The following CSMD3 variants were observed in gnomAD, a reference collection of about 807,000 sequenced individuals.
CSMD3 encodes the protein CUB and Sushi multiple domains 3.
Under a neutral mutation model 435.2 loss-of-function variants are expected in CSMD3, and 177 were observed. That is an observed-to-expected ratio of 0.41 (90% confidence interval 0.36 to 0.46). The LOEUF is 0.46. Among genes scored for constraint, CSMD3 ranks in the 20% least tolerant of loss-of-function variants. The probability of loss-of-function intolerance (pLI) is 0.34; values close to 1 mark genes in which losing one functional copy is unlikely to be tolerated. For synonymous variants in CSMD3, 1,656 were observed against 1,520.5 expected (o/e 1.09, Z -2.07); for missense variants, 4,265 against 4,504.6 (o/e 0.95, Z 1.52).
At chr8:112,386,028 G>A (rs1180462151) in intron 36 of CSMD3, among the ~76,000 whole-genome samples, 2 of 152,290 alleles carry the variant, frequency 1.3e-5, no homozygotes, top group East Asian at 3.9e-4. Flanking sequence ...GACATTCATA[G>A]AAGAGAAGAC....
At chr8:112,241,923 C>A (rs1295511975) in intron 65 of CSMD3, 138 bp from the exon 66 acceptor site, 1 of 731,180 alleles carries the variant, frequency 1.4e-6, no homozygotes, top group East Asian at 2.6e-5. Context: ...AGATAGTTTT[C>A]TCTAAAATGT....
rs532242919 is a variant in CSMD3, at chr8:113,008,085, G to GA, written c.1030+10981dup. On this transcript the variant is annotated intron_variant, in intron 6 of 70. Coordinates refer to ENST00000297405, the MANE Select transcript of CSMD3 (RefSeq NM_198123.2). ...AGTATGCATTTAGAAGTACTAAAAA[G>GA]AAAAAAAAAAGAGAAATTAGCTTTC... Among the ~76,000 whole-genome samples, 603 of 143,484 alleles carry GA rather than the reference G, an allele frequency of 4.2e-3. 1 individual carries two copies. Among genetic ancestry groups the GA allele is most frequent in the Non-Finnish European group, 5.6e-3 (362 of 64,902 alleles). 94.1% of individuals were successfully genotyped at this position (143,484 alleles called of 152,430 possible).
intron 3 of CSMD3, among the ~76,000 whole-genome samples, chr8:113,274,638 C>T (rs2093555436): frequency 6.6e-6 from 1 of 152,024 alleles, no homozygotes; most frequent in African/African-American, 2.4e-5. Context: ...TTACCTTCTC[C>T]TCTGCAAGTT....
chr8:113,166,196 G>A (rs754149171), intron 4 of CSMD3, among the ~76,000 whole-genome samples: 1 of 152,002 alleles, frequency 6.6e-6, no homozygotes, highest in East Asian at 1.9e-4. Flanking sequence ...CTTGTGTGTA[G>A]TGAGTTTTTA....
chr8:112,458,062 T>A (rs1463347952), intron 32 of CSMD3, among the ~76,000 whole-genome samples: 7 of 152,202 alleles, frequency 4.6e-5, no homozygotes. Context: ...TGTTTTAATG[T>A]GCAAAAAATT....
chr8:113,045,405 G>A (rs1043827816), intron 5 of CSMD3, among the ~76,000 whole-genome samples: 2 of 149,108 alleles, frequency 1.3e-5, no homozygotes, highest in African/African-American at 4.9e-5. Context: ...AAACTTTGGG[G>A]TTATTTGGAA....
At chr8:113,268,100 A>AT (rs1563629336) in intron 3 of CSMD3, among the ~76,000 whole-genome samples, 3 of 151,742 alleles carry the variant, frequency 2.0e-5, no homozygotes. Context: ...TCTTTCACCT[A>AT]TAAAAAGTGA....
At chr8:112,963,258 T>C (rs1300210673) in intron 7 of CSMD3, among the ~76,000 whole-genome samples, 1 of 152,022 alleles carries the variant, frequency 6.6e-6, no homozygotes, top group Non-Finnish European at 1.5e-5. Context: ...ACAGCCCAGC[T>C]GCTGCTACCA....
At chr8:112,854,842 G>A (rs1372660705) in intron 11 of CSMD3, among the ~76,000 whole-genome samples, 2 of 151,978 alleles carry the variant, frequency 1.3e-5, no homozygotes, top group African/African-American at 4.8e-5. Flanking sequence ...TTGCAATGAG[G>A]CATTTATTCT....
chr8:112,807,534 AGGT>A (rs35592845), intron 12 of CSMD3, among the ~76,000 whole-genome samples: 29,577 of 148,754 alleles, frequency 0.2, 3,575 homozygotes, highest in Non-Finnish European at 0.28. Flanking sequence ...GTAGGTAGGT[AGGT>A]AGGAAATACA....
chr8:112,519,524 C>T (rs182486222), intron 27 of CSMD3, among the ~76,000 whole-genome samples: 4 of 152,264 alleles, frequency 2.6e-5, no homozygotes, highest in East Asian at 1.9e-4. Flanking sequence ...GTCTGTTACA[C>T]AGATGTAGAC....
At chr8:112,826,730 T>A (rs1215189446) in intron 12 of CSMD3, among the ~76,000 whole-genome samples, 1 of 152,156 alleles carries the variant, frequency 6.6e-6, no homozygotes, top group Admixed American at 6.5e-5. Flanking sequence ...TTCTTTTCAA[T>A]GGCAGCCTCC....
chr8:113,290,681 A>G (rs989957030), intron 2 of CSMD3, among the ~76,000 whole-genome samples: 3 of 151,672 alleles, frequency 2.0e-5, no homozygotes, highest in African/African-American at 7.2e-5. Context: ...AAACATTAAC[A>G]TGAGAATGCA....
chr8:112,835,381 A>C (rs1315734768), intron 11 of CSMD3, among the ~76,000 whole-genome samples: 7 of 151,926 alleles, frequency 4.6e-5, no homozygotes, highest in Non-Finnish European at 2.9e-5. Context: ...TAAATGGAAC[A>C]TATTTATATT....
At chr8:113,012,494 G>A (rs2086292055) in intron 6 of CSMD3, among the ~76,000 whole-genome samples, 1 of 151,918 alleles carries the variant, frequency 6.6e-6, no homozygotes, top group African/African-American at 2.4e-5. Flanking sequence ...GTTAAGAGAG[G>A]GAAGTGATTG....
intron 31 of CSMD3, among the ~76,000 whole-genome samples, chr8:112,482,955 T>C (rs548666443): frequency 6.6e-6 from 1 of 152,272 alleles, no homozygotes; most frequent in South Asian, 2.1e-4. Context: ...ATAAGATCTG[T>C]CAAATCAAAG....
Position 113,222,784 on chromosome 8 carries a change from T to G in CSMD3, c.515-48868A>C, listed in dbSNP as rs1321693840. Reference sequence around the variant, plus strand: ...CAAGCATAAGAGTTGTGATTGTGATTTTTATAATGATTCCCATGGCTTTAT... The same window carrying G: ...CAAGCATAAGAGTTGTGATTGTGATGTTTATAATGATTCCCATGGCTTTAT... On this transcript the variant is annotated intron_variant, in intron 3 of 70. Transcript: ENST00000297405. Among the ~76,000 whole-genome samples the G allele has an allele frequency of 2.6e-5, 4 of 151,124 alleles. No individual in the cohort carries two copies. In the East Asian group the frequency reaches 7.8e-4, roughly 29 times the overall value.
At chr8:113,122,647 G>A (rs2091017492) in intron 4 of CSMD3, among the ~76,000 whole-genome samples, 1 of 152,104 alleles carries the variant, frequency 6.6e-6, no homozygotes, top group African/African-American at 2.4e-5. Flanking sequence ...AGATAGAAAA[G>A]GACCAGGAGC....
At chr8:112,468,232 GTAT>G (rs1191236437) in intron 32 of CSMD3, among the ~76,000 whole-genome samples, 24 of 114,942 alleles carry the variant, frequency 2.1e-4, no homozygotes, top group African/African-American at 4.5e-4. Context: ...ATTGCCTAAA[GTAT>G]TTTTTTTTTT....
Sources: allele counts gnomAD v4.1 joint callset (sites outside exome capture counted in the v4.1 genomes callset), GRCh38; gene constraint gnomAD v4.1.1; transcripts MANE v1.5; gene names NCBI Gene and HGNC (gene_info 2026-07-23, HGNC 2026-07-21).